The following CNIH3 variants were observed in gnomAD, a reference collection of about 807,000 sequenced individuals.
CNIH3 encodes the protein protein cornichon homolog 3.
CNIH3 carries 14 observed loss-of-function variants against 24.1 expected under a neutral mutation model. The ratio of observed to expected loss-of-function variants is 0.58; its 90% CI spans 0.38 to 0.91. CNIH3 has a LOEUF of 0.91. CNIH3 is among the 40% of genes least tolerant of loss of function. CNIH3 has a pLI of 0.00. For synonymous variants in CNIH3, 68 were observed against 73.8 expected, an observed-to-expected ratio of 0.92 and a Z score of 0.40; for missense variants, 178 against 196.8, an observed-to-expected ratio of 0.90 and a Z score of 0.57.
rs1689015339 is a variant in CNIH3, at chr1:224,726,177, G to A, written c.199-4285G>A. ...GTGCAGGGATGGAAACCTGCTAGAA[G>A]GTTCTTGCACCAGCCTGGAGAGGAG... On this transcript the variant is annotated intron_variant, in intron 3 of 5. Transcript: ENST00000272133. 2.0e-5 allele frequency among the ~76,000 whole-genome samples: 3 copies of A among 152,234 alleles called. No individual in the cohort carries two copies. The South Asian group carries it at 6.2e-4, about 32-fold the overall frequency.
chr1:224,727,242 G>A (rs1558340920), intron 3 of CNIH3, among the ~76,000 whole-genome samples: 1 of 152,166 alleles, frequency 6.6e-6, no homozygotes, highest in Non-Finnish European at 1.5e-5. Flanking sequence ...GCTTGCTGAT[G>A]GTATCATATG....
intron 3 of CNIH3, among the ~76,000 whole-genome samples, chr1:224,553,142 T>G (rs1679996236): frequency 6.7e-6 from 1 of 150,152 alleles, no homozygotes; most frequent in East Asian, 2.0e-4. Flanking sequence ...GTACACTCCC[T>G]GTGATATTAC....
intron 3 of CNIH3, among the ~76,000 whole-genome samples, chr1:224,697,914 A>C (rs1687260331): frequency 6.6e-6 from 1 of 152,186 alleles, no homozygotes; most frequent in Non-Finnish European, 1.5e-5. Context: ...CTAGGTGGGG[A>C]CAATAAGAGA....
At chr1:224,644,520 A>T (rs958400136) in intron 1 of CNIH3, among the ~76,000 whole-genome samples, 1 of 152,194 alleles carries the variant, frequency 6.6e-6, no homozygotes, top group Non-Finnish European at 1.5e-5. Flanking sequence ...TATGCCTGGC[A>T]TGCAGCAGGA....
chr1:224,725,269 T>G (rs1688959671), intron 3 of CNIH3, among the ~76,000 whole-genome samples: 1 of 152,234 alleles, frequency 6.6e-6, no homozygotes, highest in Non-Finnish European at 1.5e-5. Context: ...TGTCTTCTTT[T>G]GCTGGAGGCT....
intron 1 of CNIH3, among the ~76,000 whole-genome samples, chr1:224,626,177 G>A (rs1191116766): frequency 1.3e-5 from 2 of 152,168 alleles, no homozygotes; most frequent in South Asian, 2.1e-4. Flanking sequence ...TACAAATAGT[G>A]AGGTCATTTG....
chr1:224,632,449 T>C (rs188246252), intron 1 of CNIH3, among the ~76,000 whole-genome samples: 126 of 152,314 alleles, frequency 8.3e-4, no homozygotes, highest in Non-Finnish European at 1.6e-3. Context: ...TAGCAGAATC[T>C]CATTGTTATT....
chr1:224,455,447 C>T (rs1406572886), intron 1 of CNIH3, among the ~76,000 whole-genome samples: 1 of 152,174 alleles, frequency 6.6e-6, no homozygotes, highest in Non-Finnish European at 1.5e-5. Context: ...TGAAGTAGAA[C>T]TTGTGACTGA....
At chr1:224,691,605 A>C (rs1350578666) in intron 3 of CNIH3, among the ~76,000 whole-genome samples, 1 of 152,224 alleles carries the variant, frequency 6.6e-6, no homozygotes, top group Non-Finnish European at 1.5e-5. Flanking sequence ...ACCATCCTTT[A>C]GATGTGGGAG....
At chr1:224,688,558 C>T (rs537627524) in intron 3 of CNIH3, among the ~76,000 whole-genome samples, 32 of 152,182 alleles carry the variant, frequency 2.1e-4, no homozygotes, top group African/African-American at 7.0e-4. Context: ...CTAAATCCTT[C>T]TTCTTGGGAA....
chr1:224,678,392 G>C (rs1686239698), intron 1 of CNIH3, among the ~76,000 whole-genome samples: 2 of 152,198 alleles, frequency 1.3e-5, no homozygotes, highest in Admixed American at 6.5e-5. Flanking sequence ...CAGAGGAGGT[G>C]AGTGACATCT....
intron 2 of CNIH3, among the ~76,000 whole-genome samples, chr1:224,530,263 A>G (rs1215994133): frequency 6.6e-6 from 1 of 152,218 alleles, no homozygotes; most frequent in African/African-American, 2.4e-5. Flanking sequence ...TTGTTTGTGC[A>G]GTTTCCATGT....
chr1:224,606,241 G>A (rs1403011201), intron 3 of CNIH3, among the ~76,000 whole-genome samples: 1 of 152,172 alleles, frequency 6.6e-6, no homozygotes, highest in Non-Finnish European at 1.5e-5. Flanking sequence ...GAGGGTCAGG[G>A]TGACAGCATT....
intron 1 of CNIH3, among the ~76,000 whole-genome samples, chr1:224,496,846 T>C (rs1326571181): frequency 4.6e-5 from 7 of 152,246 alleles, no homozygotes; most frequent in Non-Finnish European, 1.0e-4. Context: ...TAGACTTACC[T>C]ATGTTTTCAG....
intron 1 of CNIH3, among the ~76,000 whole-genome samples, chr1:224,652,928 A>G (rs557104693): frequency 6.6e-6 from 1 of 152,302 alleles, no homozygotes; most frequent in East Asian, 1.9e-4. Flanking sequence ...GGGTGAAGGT[A>G]TTGGGAACAC....
intron 1 of CNIH3, among the ~76,000 whole-genome samples, chr1:224,653,259 C>T (rs1011757409): frequency 1.3e-5 from 2 of 152,014 alleles, no homozygotes; most frequent in African/African-American, 4.8e-5. Flanking sequence ...CCCATCTCTA[C>T]TAAAAATACA....
intron 3 of CNIH3, among the ~76,000 whole-genome samples, chr1:224,596,168 TCA>T (rs1238000715): frequency 3.3e-5 from 5 of 152,248 alleles, no homozygotes; most frequent in African/African-American, 1.2e-4. Context: ...ATGCCTGGCT[TCA>T]AAGTCAAGCT....
intron 3 of CNIH3, among the ~76,000 whole-genome samples, chr1:224,718,636 G>A (rs1048142237): frequency 1.1e-4 from 17 of 152,112 alleles, no homozygotes; most frequent in African/African-American, 3.9e-4. Flanking sequence ...AGGAGGAGAC[G>A]GGTGGCTCTG....
chr1:224,465,098 T>C (rs1676100952), intron 1 of CNIH3, among the ~76,000 whole-genome samples: 1 of 151,580 alleles, frequency 6.6e-6, no homozygotes, highest in Non-Finnish European at 1.5e-5. Context: ...CCAGCCAAGA[T>C]AGTTAGAATT....
Sources: gnomAD v4.1 joint callset for allele counts (sites outside exome capture counted in the v4.1 genomes callset) on GRCh38, gnomAD v4.1.1 for gene constraint, MANE v1.5 for transcripts, NCBI Gene and HGNC (gene_info 2026-07-23, HGNC 2026-07-21) for gene names.